Variants in UBE2K observed in about 807,000 individuals in gnomAD.
The protein encoded by UBE2K is ubiquitin conjugating enzyme E2 K.
A neutral mutation model predicts 30.0 loss-of-function variants in UBE2K; 6 were observed. The observed-to-expected ratio is 0.20, with a 90% confidence interval of 0.11 to 0.39. The LOEUF (loss-of-function observed/expected upper bound fraction) is 0.39, where lower values mean the gene tolerates loss of function less well. UBE2K is among the 10% of genes least tolerant of loss of function. UBE2K has a pLI of 1.00. For missense variants in UBE2K, 61 were observed against 241.6 expected, an observed-to-expected ratio of 0.25 and a Z score of 4.96; for synonymous variants, 86 against 83.7, an observed-to-expected ratio of 1.03 and a Z score of -0.15.
In UBE2K at chr4:39,782,200, G is replaced by T. The variant is rs1484269162; in HGVS notation, c.*3766G>T. The T allele has an allele frequency of 2.7e-6, 1 of 374,060 alleles. No homozygotes were observed. The highest frequency in any genetic ancestry group is 4.7e-6 in the Non-Finnish European group (1 of 210,608). The allele number at this position is 374,060 out of a possible 1,614,324, so 23.2% of individuals were successfully genotyped here. On this transcript the variant is annotated 3_prime_UTR_variant, in exon 7 of 7. Coordinates refer to ENST00000261427, the MANE Select transcript of UBE2K (RefSeq NM_005339.5). ...CAACCATGCTGCTATATATAATCAG[G>T]TGTGGCACAGTTTGTCAGTTTGATT...
intron 1 of UBE2K, among the ~76,000 whole-genome samples, chr4:39,723,311 G>A (rs925161291): frequency 6.7e-6 from 1 of 149,026 alleles, no homozygotes; most frequent in Non-Finnish European, 1.5e-5. Context: ...CCAAAGTGCT[G>A]AGATTACATG....
chr4:39,712,485 A>T (rs1285373059), intron 1 of UBE2K, among the ~76,000 whole-genome samples: 3 of 150,660 alleles, frequency 2.0e-5, no homozygotes, highest in Non-Finnish European at 4.4e-5. Flanking sequence ...GCTGGAGTAC[A>T]GTAGCACAAT....
At chr4:39,770,018 C>T (rs1264916932) in intron 4 of UBE2K, 15 of 1,372,032 alleles carry the variant, frequency 1.1e-5, no homozygotes, top group South Asian at 9.5e-5. Flanking sequence ...TTCTCCTGGG[C>T]CAAAGAGCCC....
chr4:39,743,521 G>A (rs911712272), intron 2 of UBE2K, among the ~76,000 whole-genome samples: 1 of 151,472 alleles, frequency 6.6e-6, no homozygotes, highest in Non-Finnish European at 1.5e-5. Context: ...GGAGAATGGC[G>A]TGAACCCGGG....
At chr4:39,751,270 A>G (rs1346610671) in intron 3 of UBE2K, among the ~76,000 whole-genome samples, 3 of 152,078 alleles carry the variant, frequency 2.0e-5, no homozygotes, top group African/African-American at 7.2e-5. Flanking sequence ...ATTTCTAACT[A>G]TAGATTATAG....
chr4:39,771,035 C>T lies in UBE2K; in HGVS notation c.300-3799C>T, dbSNP rs544418258. 21 of 1,612,352 alleles carry T rather than the reference C, an allele frequency of 1.3e-5. No homozygotes were observed. The African/African-American group carries it at 2.4e-4, about 18-fold the overall frequency. On this transcript the variant is annotated intron_variant, in intron 4 of 6. Transcript: ENST00000261427. ...AGGCTAGCCTCACGGACCCCATCCT[C>T]TTTGAGGCCTATTTTGGGCTCAGTG...
intron 1 of UBE2K, among the ~76,000 whole-genome samples, chr4:39,711,697 C>T (rs572673728): frequency 1.3e-5 from 2 of 151,982 alleles, no homozygotes; most frequent in South Asian, 4.2e-4. Context: ...CCTGACTGGA[C>T]ATTGCTTCAC....
chr4:39,735,040 G>A (rs1009548817), intron 1 of UBE2K, among the ~76,000 whole-genome samples: 10 of 152,026 alleles, frequency 6.6e-5, no homozygotes, highest in African/African-American at 1.7e-4. Context: ...GAAAGCTATC[G>A]AGATCTTTGA....
At chr4:39,707,056 G>A (rs1371224838) in intron 1 of UBE2K, among the ~76,000 whole-genome samples, 2 of 151,866 alleles carry the variant, frequency 1.3e-5, no homozygotes, top group South Asian at 2.1e-4. Context: ...ACAGGCATGC[G>A]CCACCACACC....
At chr4:39,773,518 T>C (rs1713064480) in intron 4 of UBE2K, among the ~76,000 whole-genome samples, 1 of 152,078 alleles carries the variant, frequency 6.6e-6, no homozygotes, top group African/African-American at 2.4e-5. Context: ...CATAGTATCT[T>C]GTTTTTAGAG....
chr4:39,715,008 G>A (rs1045404266), intron 1 of UBE2K, among the ~76,000 whole-genome samples: 4 of 150,446 alleles, frequency 2.7e-5, no homozygotes, highest in African/African-American at 7.3e-5. Context: ...ACAGGTACAA[G>A]CCACCACTCT....
chr4:39,766,668 C>T (rs538565575), intron 4 of UBE2K, among the ~76,000 whole-genome samples: 8 of 152,272 alleles, frequency 5.3e-5, no homozygotes, highest in Non-Finnish European at 1.2e-4. Flanking sequence ...ACCTCAGCCT[C>T]CCAAGTAGCT....
chr4:39,720,783 G>T (rs531739805), intron 1 of UBE2K, among the ~76,000 whole-genome samples: 4 of 152,194 alleles, frequency 2.6e-5, no homozygotes, highest in African/African-American at 9.6e-5. Flanking sequence ...TCAGTTTGTT[G>T]CCCAGGCTGG....
chr4:39,754,574 G>A (rs1023576028), intron 3 of UBE2K, among the ~76,000 whole-genome samples: 10 of 152,148 alleles, frequency 6.6e-5, no homozygotes, highest in African/African-American at 2.2e-4. Flanking sequence ...ACAGTGGCAC[G>A]ATCACGGCTT....
At chr4:39,763,746 A>ATTTATT (rs1342165503) in intron 4 of UBE2K, among the ~76,000 whole-genome samples, 1 of 152,110 alleles carries the variant, frequency 6.6e-6, no homozygotes, top group Non-Finnish European at 1.5e-5. Flanking sequence ...TTGTTTGGAT[A>ATTTATT]TTTATTTTTA....
At chr4:39,722,693 TG>T (rs59777225) in intron 1 of UBE2K, among the ~76,000 whole-genome samples, 19,650 of 151,982 alleles carry the variant, frequency 0.13, 1,373 homozygotes, top group East Asian at 0.22. Context: ...GGGGAGAACA[TG>T]GCAAGCTCCA....
chr4:39,769,691 C>T (rs529623533), intron 4 of UBE2K, among the ~76,000 whole-genome samples: 1 of 148,476 alleles, frequency 6.7e-6, no homozygotes, highest in South Asian at 2.2e-4. Context: ...CCCCCCCACC[C>T]TTCTTATCTC....
intron 4 of UBE2K, among the ~76,000 whole-genome samples, chr4:39,763,296 G>C (rs1267100435): frequency 6.8e-6 from 1 of 146,372 alleles, no homozygotes; most frequent in African/African-American, 2.5e-5. Flanking sequence ...TTGTTACCCG[G>C]GCTGGAGTGC....
intron 1 of UBE2K, chr4:39,714,393 C>G (rs1209118076): frequency 5.9e-6 from 1 of 168,390 alleles, no homozygotes; most frequent in Non-Finnish European, 1.4e-5. Flanking sequence ...TCCTGGGACA[C>G]TTCTGCTTAT....
Sources: allele counts gnomAD v4.1 joint callset (sites outside exome capture counted in the v4.1 genomes callset), GRCh38; gene constraint gnomAD v4.1.1; transcripts MANE v1.5; gene names NCBI Gene and HGNC (gene_info 2026-07-23, HGNC 2026-07-21).